The following ITPR2 variants were observed in gnomAD, a reference collection of about 807,000 sequenced individuals.
ITPR2 encodes the protein inositol 1,4,5-trisphosphate receptor type 2.
Under a neutral mutation model 317.1 loss-of-function variants are expected in ITPR2, and 207 were observed. The observed-to-expected ratio is 0.65, with a 90% CI of 0.58 to 0.73. ITPR2 has a LOEUF of 0.73. ITPR2 is among the 30% of genes least tolerant of loss of function. The pLI, the probability that ITPR2 is intolerant of heterozygous loss-of-function variation, is 0.00. For synonymous variants in ITPR2, 1,156 were observed against 1,149.1 expected (o/e 1.01, Z -0.12); for missense variants, 2,613 against 3,284.0 (o/e 0.80, Z 4.99).
chr12:26,432,763 G>C (rs939692638), intron 48 of ITPR2, among the ~76,000 whole-genome samples: 2 of 152,118 alleles, frequency 1.3e-5, no homozygotes, highest in Non-Finnish European at 2.9e-5. Flanking sequence ...ATGTGTCACT[G>C]TCAATAATCT....
chr12:26,485,013 C>T (rs1189646239), intron 41 of ITPR2, among the ~76,000 whole-genome samples: 1 of 148,874 alleles, frequency 6.7e-6, no homozygotes, highest in Non-Finnish European at 1.5e-5. Context: ...CTGTGCCCGG[C>T]CGGAATACCA....
chr12:26,737,575 A>G (rs917451441), intron 2 of ITPR2, among the ~76,000 whole-genome samples: 4 of 152,094 alleles, frequency 2.6e-5, no homozygotes, highest in African/African-American at 7.2e-5. Flanking sequence ...TTCAATGGAA[A>G]CTGTGGTGGA....
At chr12:26,524,888 A>C (rs1256379638) in intron 37 of ITPR2, among the ~76,000 whole-genome samples, 1 of 152,272 alleles carries the variant, frequency 6.6e-6, no homozygotes, top group Non-Finnish European at 1.5e-5. Context: ...TACTGTAACA[A>C]GATTTAGAAA....
chr12:26,647,432 C>T (rs1202057287), intron 21 of ITPR2, among the ~76,000 whole-genome samples: 2 of 152,186 alleles, frequency 1.3e-5, no homozygotes, highest in Non-Finnish European at 1.5e-5. Context: ...GAAAAAAGGG[C>T]TCTTAATTAT....
chr12:26,553,788 A>C (rs1396394875), intron 36 of ITPR2, among the ~76,000 whole-genome samples: 1 of 152,150 alleles, frequency 6.6e-6, no homozygotes, highest in South Asian at 2.1e-4. Flanking sequence ...CCGTCTCAAA[A>C]AAAAAGACCC....
chr12:26,669,711 CA>C (rs1225177691), intron 13 of ITPR2, among the ~76,000 whole-genome samples: 5 of 150,348 alleles, frequency 3.3e-5, no homozygotes, highest in South Asian at 2.1e-4. Context: ...TCAGTGGGTG[CA>C]GCGCACCATG....
At position 26,539,230 on chromosome 12, in the gene ITPR2, A is replaced by G. The variant is rs1461038533; in HGVS notation, c.5073+11017T>C. 3.3e-5 allele frequency among the ~76,000 whole-genome samples: 5 copies of G among 152,300 alleles called. No individual in the cohort carries two copies. The East Asian group carries it at 9.6e-4, about 29-fold the overall frequency. On this transcript the variant is annotated intron_variant, in intron 37 of 56. Coordinates refer to ENST00000381340, the MANE Select transcript of ITPR2 (RefSeq NM_002223.4). ...TCTCCTCTCAACCGTAACACCATTG[A>G]GCAGTTCAGAACACCAATTTCATCC... is the stretch of plus-strand genomic sequence containing the variant.
chr12:26,567,998 T>TA (rs1945045921), intron 34 of ITPR2, among the ~76,000 whole-genome samples: 2 of 4,808 alleles, frequency 4.2e-4, no homozygotes, highest in African/African-American at 1.1e-3. Flanking sequence ...ATATATATAT[T>TA]ATATATATTA....
chr12:26,615,518 A>T (rs1375697094), intron 26 of ITPR2, among the ~76,000 whole-genome samples: 2 of 152,192 alleles, frequency 1.3e-5, no homozygotes, highest in Non-Finnish European at 2.9e-5. Context: ...ACAGATATGT[A>T]CTATATAGTA....
At chr12:26,627,434 T>C (rs1293069979) in intron 23 of ITPR2, 1 of 152,246 alleles carries the variant, frequency 6.6e-6, no homozygotes, top group Non-Finnish European at 1.5e-5. Context: ...CTTTCTGACC[T>C]TGGTTTTCTC....
rs77603281 is a variant in ITPR2 at position 26,692,394 on chromosome 12, G to A, written c.996+3212C>T. Among the ~76,000 whole-genome samples, 1,271 of 152,194 alleles carry A rather than the reference G, an allele frequency of 8.4e-3. 16 individuals are homozygous for A. Among genetic ancestry groups the A allele is most frequent in the African/African-American group, 0.028 (1,177 of 41,520 alleles). On this transcript the variant is annotated intron_variant, in intron 10 of 56. Coordinates refer to ENST00000381340, the MANE Select transcript of ITPR2 (RefSeq NM_002223.4). ...TTGCACCACAACAGAGAATTATCTGGCCCAATATGGCCAGAAATTCCAATA... is the reference window on the plus strand; with the variant it reads ...TTGCACCACAACAGAGAATTATCTGACCCAATATGGCCAGAAATTCCAATA...
intron 48 of ITPR2, among the ~76,000 whole-genome samples, chr12:26,431,082 A>T (rs1941193896): frequency 6.6e-6 from 1 of 152,246 alleles, no homozygotes; most frequent in Non-Finnish European, 1.5e-5. Flanking sequence ...TAAAATACAA[A>T]GATTGTAAAA....
At chr12:26,640,390 ATATACT>A (rs1167982247) in intron 21 of ITPR2, among the ~76,000 whole-genome samples, 1 of 152,118 alleles carries the variant, frequency 6.6e-6, no homozygotes, top group African/African-American at 2.4e-5. Flanking sequence ...AAAAAAAAAC[ATATACT>A]TAGAATGTTA....
chr12:26,820,123 C>T (rs1384539887), intron 1 of ITPR2, among the ~76,000 whole-genome samples: 1 of 152,078 alleles, frequency 6.6e-6, no homozygotes, highest in Admixed American at 6.6e-5. Context: ...GTAAGCTTTA[C>T]CACATATTGA....
At chr12:26,684,494 C>T (rs1198457637) in intron 11 of ITPR2, among the ~76,000 whole-genome samples, 1 of 152,068 alleles carries the variant, frequency 6.6e-6, no homozygotes, top group Admixed American at 6.5e-5. Flanking sequence ...TGCAATAAGA[C>T]AATATTTATT....
intron 51 of ITPR2, among the ~76,000 whole-genome samples, chr12:26,412,562 GCTAGAGGACATAGAGAGATAT>G (rs1940583703): frequency 6.6e-6 from 1 of 152,210 alleles, no homozygotes; most frequent in African/African-American, 2.4e-5. Flanking sequence ...ACAACAGTTA[GCTAGAGGACATAGAGAGATAT>G]AGACACAATT....
At chr12:26,401,194 A>T (rs1314844254) in intron 52 of ITPR2, among the ~76,000 whole-genome samples, 2 of 152,082 alleles carry the variant, frequency 1.3e-5, no homozygotes, top group African/African-American at 4.8e-5. Flanking sequence ...ACACCACTGC[A>T]TTCCAGCCTG....
At chr12:26,662,976 T>C (rs1367664300) in intron 15 of ITPR2, among the ~76,000 whole-genome samples, 2 of 152,248 alleles carry the variant, frequency 1.3e-5, no homozygotes, top group East Asian at 3.9e-4. Flanking sequence ...TGGTTTGTAT[T>C]TTTAAGATAA....
At position 26,831,670 on chromosome 12, in the gene ITPR2, T is replaced by TCA. The variant is rs1484996144; in HGVS notation, c.92+1019_92+1020insTG. ...CTATTTAACCATTTGGCACACTGTT[T>TCA]TATATATAAATATATATATATATTC... On this transcript the variant is annotated intron_variant, in intron 1 of 56. Transcript: ENST00000381340. This position sits in a 1 kb window ranked among gnomAD's most constrained non-coding sequence, Gnocchi z 4.9. 7.8e-6 allele frequency among the ~76,000 whole-genome samples: 1 copy of TCA among 128,486 alleles called. No homozygotes were observed. The highest frequency in any genetic ancestry group is 2.6e-5 in the African/African-American group (1 of 38,572). 84.3% of individuals were successfully genotyped at this position (128,486 alleles called of 152,430 possible).
Sources: gnomAD v4.1 joint callset for allele counts (sites outside exome capture counted in the v4.1 genomes callset) on GRCh38, gnomAD v4.1.1 for gene constraint, Gnocchi (gnomAD v3.1) non-coding constraint, MANE v1.5 for transcripts, NCBI Gene and HGNC (gene_info 2026-07-23, HGNC 2026-07-21) for gene names.